USP45: variants seen among roughly 807,000 people sequenced by gnomAD.
USP45 encodes ubiquitin carboxyl-terminal hydrolase 45.
Under a neutral mutation model 95.8 loss-of-function variants are expected in USP45, and 89 were observed. The ratio of observed to expected loss-of-function variants is 0.93; its 90% CI spans 0.78 to 1.11. The LOEUF (loss-of-function observed/expected upper bound fraction) is 1.11, where lower values mean the gene tolerates loss of function less well. USP45 is among the 50% of genes least tolerant of loss of function. The pLI is 0.00. For synonymous variants in USP45, 281 were observed against 316.2 expected (o/e 0.89, Z 1.18); for missense variants, 898 against 942.5 (o/e 0.95, Z 0.62).
At chr6:99,473,473 G>A (rs543288388) in intron 9 of USP45, among the ~76,000 whole-genome samples, 130 of 152,052 alleles carry the variant, frequency 8.5e-4, no homozygotes, top group Non-Finnish European at 1.5e-3. Flanking sequence ...CTTGAACCCA[G>A]GAGGTTGGAG....
intron 4 of USP45, among the ~76,000 whole-genome samples, chr6:99,504,678 C>T (rs1239636920): frequency 2.0e-5 from 3 of 151,996 alleles, no homozygotes; most frequent in Non-Finnish European, 2.9e-5. Flanking sequence ...ACAATGTCAG[C>T]GATTCTCAAT....
chr6:99,453,981 A>T (rs1324414904), intron 13 of USP45, among the ~76,000 whole-genome samples: 2 of 152,184 alleles, frequency 1.3e-5, no homozygotes, highest in African/African-American at 4.8e-5. Flanking sequence ...AAAGAAAAAA[A>T]TTTGTATAGA....
chr6:99,490,579 T>C (rs897496694), intron 5 of USP45, among the ~76,000 whole-genome samples: 7 of 151,994 alleles, frequency 4.6e-5, no homozygotes, highest in East Asian at 1.9e-4. Context: ...ATTTGGCTGA[T>C]TGATGGAAAT....
chr6:99,456,140 A>G, intron 13 of USP45, among the ~76,000 whole-genome samples: 1 of 150,468 alleles, frequency 6.6e-6, no homozygotes, highest in Admixed American at 6.6e-5. Flanking sequence ...CTCGGAAAAA[A>G]AAAAAAAAAA....
rs1055700152 is a variant in USP45 at position 99,462,616 on chromosome 6, T to C, written c.1308+1988A>G. ...ATATATCTTATGAAGCAAAATTAGC[T>C]TTTATTTATAGAAAACATGTTGTCC... On this transcript the variant is annotated intron_variant, in intron 13 of 17. Transcript: ENST00000500704. 111 of 985,406 alleles carry C rather than the reference T, an allele frequency of 1.1e-4. No individual in the cohort carries two copies. The African/African-American group carries it at 1.9e-3, about 17-fold the overall frequency. The allele number at this position is 985,406 out of a possible 1,614,324, so 61.0% of individuals were successfully genotyped here.
intron 13 of USP45, 106 bp from the exon 14 acceptor site, chr6:99,446,569 G>C (rs1187750171): frequency 7.4e-6 from 8 of 1,087,744 alleles, no homozygotes; most frequent in Non-Finnish European, 1.0e-5. Flanking sequence ...ATTTCTCTCA[G>C]ATCCATTTCC....
intron 13 of USP45, among the ~76,000 whole-genome samples, chr6:99,456,436 G>A (rs1281691609): frequency 1.3e-5 from 2 of 152,184 alleles, no homozygotes; most frequent in African/African-American, 2.4e-5. Flanking sequence ...GACTACTGTG[G>A]GAAGTCAGGG....
At chr6:99,451,477 T>C (rs921401487) in intron 13 of USP45, among the ~76,000 whole-genome samples, 1 of 152,140 alleles carries the variant, frequency 6.6e-6, no homozygotes, top group African/African-American at 2.4e-5. Flanking sequence ...TTACAAGGGA[T>C]GTGAAGGACC....
intron 9 of USP45, among the ~76,000 whole-genome samples, chr6:99,474,768 A>G (rs1037539462): frequency 6.6e-6 from 1 of 152,234 alleles, no homozygotes. Context: ...TCTATGAGTA[A>G]GAGGGAGGAA....
chr6:99,504,784 G>A (rs577899723), intron 4 of USP45, among the ~76,000 whole-genome samples: 4 of 152,274 alleles, frequency 2.6e-5, no homozygotes, highest in South Asian at 2.1e-4. Flanking sequence ...AGAGGTGAGA[G>A]GACCACTACT....
At chr6:99,445,671 T>A (rs1486137491) in intron 14 of USP45, 126 bp downstream of exon 14, 13 of 726,024 alleles carry the variant, frequency 1.8e-5, no homozygotes, top group Non-Finnish European at 2.6e-5. Context: ...CAAATATGAA[T>A]GAAACAATCT....
At chr6:99,476,519 G>C (rs1390972272) in intron 8 of USP45, among the ~76,000 whole-genome samples, 1 of 152,180 alleles carries the variant, frequency 6.6e-6, no homozygotes, top group Non-Finnish European at 1.5e-5. Context: ...GATGAAATGT[G>C]ATTACTGGTC....
At chr6:99,495,656 G>A (rs535744897) in intron 5 of USP45, among the ~76,000 whole-genome samples, 1 of 152,322 alleles carries the variant, frequency 6.6e-6, no homozygotes, top group Admixed American at 6.5e-5. Flanking sequence ...CAATTTATAA[G>A]TGTGATAGTA....
At chr6:99,517,601 AT>A (rs11398930), upstream of USP45, among the ~76,000 whole-genome samples, 94 of 136,750 alleles carry the variant, frequency 6.9e-4, no homozygotes, top group Non-Finnish European at 5.4e-4. Context: ...CACATAGCTA[AT>A]TTTTTTTTTT....
intron 15 of USP45, among the ~76,000 whole-genome samples, chr6:99,443,207 A>C (rs1007434385): frequency 6.6e-6 from 1 of 151,636 alleles, no homozygotes; most frequent in Non-Finnish European, 1.5e-5. Context: ...ACAGAGCAAG[A>C]CTCTTATTTC....
At chr6:99,473,721 C>T (rs1790042008) in intron 9 of USP45, among the ~76,000 whole-genome samples, 1 of 149,328 alleles carries the variant, frequency 6.7e-6, no homozygotes, top group Non-Finnish European at 1.5e-5. Context: ...TGCCACTGCA[C>T]TCCAGCCTGG....
chr6:99,482,127 T>C (rs976860486), intron 8 of USP45: 14 of 152,352 alleles, frequency 9.2e-5, no homozygotes, highest in African/African-American at 2.9e-4. Context: ...TGGACTGGAC[T>C]AGCTTGTGAG....
At chr6:99,507,611 C>A in intron 3 of USP45, 80 bp from the exon 4 acceptor site, 2 of 944,244 alleles carry the variant, frequency 2.1e-6, no homozygotes, top group Non-Finnish European at 3.2e-6. Context: ...TATACTCACA[C>A]TTATACTGAA....
At chr6:99,456,397 C>G (rs1785104764) in intron 13 of USP45, among the ~76,000 whole-genome samples, 1 of 152,066 alleles carries the variant, frequency 6.6e-6, no homozygotes, top group Non-Finnish European at 1.5e-5. Flanking sequence ...ATGATAAATG[C>G]TTAAGGTAAC....
Sources: allele counts gnomAD v4.1 joint callset (sites outside exome capture counted in the v4.1 genomes callset), GRCh38; gene constraint gnomAD v4.1.1; transcripts MANE v1.5; gene names NCBI Gene and HGNC (gene_info 2026-07-23, HGNC 2026-07-21).